The following HTR7 variants were observed in gnomAD, a reference collection of about 807,000 sequenced individuals.
HTR7 encodes the protein 5-HT-7.
Under a neutral mutation model 34.0 loss-of-function variants are expected in HTR7, and 16 were observed. The ratio of observed to expected loss-of-function variants is 0.47; its 90% confidence interval spans 0.32 to 0.71. The LOEUF (loss-of-function observed/expected upper bound fraction) is 0.71, where lower values mean the gene tolerates loss of function less well. Among genes scored for constraint, HTR7 ranks in the 30% least tolerant of loss-of-function variants. The pLI is 0.04. For missense variants in HTR7, 504 were observed against 625.5 expected, an observed-to-expected ratio of 0.81 and a Z score of 2.07; for synonymous variants, 265 against 260.2, an observed-to-expected ratio of 1.02 and a Z score of -0.18.
At chr10:90,743,402 G>A (rs534800727) in intron 3 of HTR7, among the ~76,000 whole-genome samples, 191 bp downstream of exon 3, 4 of 152,272 alleles carry the variant, frequency 2.6e-5, no homozygotes, top group Admixed American at 2.6e-4. Flanking sequence ...TAGGCTCCAC[G>A]TATCTGAAGA....
Position 90,749,462 on chromosome 10 carries a change from A to G in HTR7, c.672T>C (p.Asn224=). ...TLPPLFGWAQ[N]VNDDKVCLIS... is the part of the protein sequence containing the mutation. ...TCAAGCACACCTTATCATCATTTAC[A>G]TTCTGAGCCCATCCAAAGAGTGGAG... Residue 224 remains asparagine (N), a synonymous_variant, in exon 2 of 4, where the codon AAT becomes AAC. Transcript: ENST00000336152. The surrounding 1 kb of genome is among the most constrained non-coding windows in gnomAD (Gnocchi z 4.2). The G allele has an allele frequency of 1.2e-6, 2 of 1,614,176 alleles. No individual in the cohort carries two copies. The highest frequency in any genetic ancestry group is 1.7e-6 in the Non-Finnish European group (2 of 1,180,022).
chr10:90,820,875 TA>T (rs1328180663), intron 1 of HTR7, among the ~76,000 whole-genome samples: 4 of 152,192 alleles, frequency 2.6e-5, no homozygotes, highest in Admixed American at 1.3e-4. Flanking sequence ...AACTTATTTT[TA>T]AAAAGCTCTC....
At chr10:90,777,044 A>T (rs1845226694) in intron 1 of HTR7, among the ~76,000 whole-genome samples, 1 of 152,222 alleles carries the variant, frequency 6.6e-6, no homozygotes, top group Non-Finnish European at 1.5e-5. Context: ...AGCCTCACTA[A>T]CTGGCTTAAA....
In HTR7 at chr10:90,742,234, G is replaced by C; in HGVS notation, c.*248C>G. 3.1e-6 allele frequency: 1 copy of C among 317,462 alleles called. No individual in the cohort carries two copies. The highest frequency in any genetic ancestry group is 5.8e-6 in the Non-Finnish European group (1 of 172,464). 19.7% of individuals were successfully genotyped at this position (317,462 alleles called of 1,614,324 possible). ...TCCTTTCTGGAACTCAGTTCTGTTG[G>C]TGTGCTTACTGCTGAGATGATCTGC... On this transcript the variant is annotated 3_prime_UTR_variant, in exon 4 of 4. Coordinates refer to ENST00000336152, the MANE Select transcript of HTR7 (RefSeq NM_019859.4).
At chr10:90,807,067 A>G (rs1408239938) in intron 1 of HTR7, among the ~76,000 whole-genome samples, 1 of 152,220 alleles carries the variant, frequency 6.6e-6, no homozygotes, top group Non-Finnish European at 1.5e-5. Flanking sequence ...AACCTTTACT[A>G]AAACGGATTG....
chr10:90,771,461 G>C (rs573298647), intron 1 of HTR7, among the ~76,000 whole-genome samples: 83 of 152,344 alleles, frequency 5.4e-4, no homozygotes, highest in African/African-American at 1.9e-3. Flanking sequence ...GGGGAGACCA[G>C]ACCTGAGGAG....
At chr10:90,851,346 C>G (rs948167740) in intron 1 of HTR7, among the ~76,000 whole-genome samples, 2 of 152,250 alleles carry the variant, frequency 1.3e-5, no homozygotes, top group Admixed American at 1.3e-4. Flanking sequence ...TTGGCTCACA[C>G]CTGCAATCCC....
At chr10:90,779,028 G>C (rs1488213517) in intron 1 of HTR7, among the ~76,000 whole-genome samples, 1 of 152,194 alleles carries the variant, frequency 6.6e-6, no homozygotes, top group Admixed American at 6.5e-5. Flanking sequence ...CAGTGTGCTA[G>C]ATTGAGGGAG....
chr10:90,778,415 C>T (rs959957432), intron 1 of HTR7, among the ~76,000 whole-genome samples: 6 of 152,102 alleles, frequency 3.9e-5, no homozygotes, highest in Admixed American at 1.3e-4. Context: ...AGCCCCTCAC[C>T]GAGTGATGCT....
chr10:90,757,277 CA>C (rs1380786405), intron 1 of HTR7, among the ~76,000 whole-genome samples: 11 of 152,036 alleles, frequency 7.2e-5, no homozygotes, highest in Non-Finnish European at 1.5e-4. Context: ...TGGGGAGAAG[CA>C]AATCAAGAGG....
intron 1 of HTR7, among the ~76,000 whole-genome samples, chr10:90,790,803 CAGAG>C (rs141680924): frequency 6.7e-6 from 1 of 150,096 alleles, no homozygotes; most frequent in Non-Finnish European, 1.5e-5. Flanking sequence ...CAATATTATG[CAGAG>C]AGAGAGAGAG....
At chr10:90,821,720 TA>T (rs1845984435) in intron 1 of HTR7, among the ~76,000 whole-genome samples, 2 of 152,184 alleles carry the variant, frequency 1.3e-5, no homozygotes, top group Non-Finnish European at 2.9e-5. Flanking sequence ...TGTTGAATTG[TA>T]ATCTTCAGTG....
chr10:90,803,850 G>C (rs1422123635), intron 1 of HTR7, among the ~76,000 whole-genome samples: 1 of 152,128 alleles, frequency 6.6e-6, no homozygotes, highest in Non-Finnish European at 1.5e-5. Context: ...GGTAGGAGAG[G>C]GCAGAGTCCC....
intron 1 of HTR7, among the ~76,000 whole-genome samples, chr10:90,819,474 C>A (rs981379144): frequency 2.0e-5 from 3 of 152,150 alleles, no homozygotes; most frequent in African/African-American, 4.8e-5. Context: ...TGCTGGGTTT[C>A]AAACCTTTTT....
At chr10:90,831,247 T>A (rs998382467) in intron 1 of HTR7, among the ~76,000 whole-genome samples, 1 of 152,194 alleles carries the variant, frequency 6.6e-6, no homozygotes, top group Non-Finnish European at 1.5e-5. Context: ...GTTACAGTTC[T>A]TAAAGGCAGC....
At chr10:90,798,148 T>A (rs1325685729) in intron 1 of HTR7, among the ~76,000 whole-genome samples, 4 of 152,210 alleles carry the variant, frequency 2.6e-5, no homozygotes, top group Admixed American at 2.0e-4. Context: ...GCATATGCTT[T>A]AAAGAAGGCT....
Position 90,742,541 on chromosome 10 carries a change from G to C in HTR7, c.1394-13C>G. ...GTCAGCATTTTGTCTAAAAAAAAGA[G>C]AGAGAAAAATAGAAAATAATTTAGT... On this transcript the variant is annotated splice_polypyrimidine_tract_variant and intron_variant, in intron 3 of 3. Coordinates refer to ENST00000336152, the MANE Select transcript of HTR7 (RefSeq NM_019859.4). 6.4e-7 allele frequency: 1 copy of C among 1,556,502 alleles called. No homozygotes were observed.
At chr10:90,793,536 C>CAAAAAA (rs34846867) in intron 1 of HTR7, among the ~76,000 whole-genome samples, 2 of 132,794 alleles carry the variant, frequency 1.5e-5, no homozygotes, top group Non-Finnish European at 1.6e-5. Flanking sequence ...TAAGAAAGCT[C>CAAAAAA]AAAAAAAAAA....
chr10:90,820,162 G>A (rs1198980314), intron 1 of HTR7, among the ~76,000 whole-genome samples: 1 of 152,212 alleles, frequency 6.6e-6, no homozygotes, highest in African/African-American at 2.4e-5. Context: ...TCTTTAGGCT[G>A]TGAAAGGGAT....
Sources: allele counts gnomAD v4.1 joint callset (sites outside exome capture counted in the v4.1 genomes callset), GRCh38; gene constraint gnomAD v4.1.1; non-coding constraint Gnocchi (gnomAD v3.1); transcripts MANE v1.5; gene names NCBI Gene and HGNC (gene_info 2026-07-23, HGNC 2026-07-21).